Variants in CSMD1 observed in about 807,000 individuals in gnomAD.
CSMD1 encodes CUB and Sushi multiple domains 1, also known as CUB and sushi domain-containing protein 1.
Under a neutral mutation model 417.5 loss-of-function variants are expected in CSMD1, and 213 were observed. The ratio of observed to expected loss-of-function variants is 0.51; its 90% confidence interval spans 0.46 to 0.57. The LOEUF (loss-of-function observed/expected upper bound fraction) is 0.57. Among genes scored for constraint, CSMD1 ranks in the 20% least tolerant of loss-of-function variants. The probability of loss-of-function intolerance (pLI) is 0.00; values close to 1 mark genes in which losing one functional copy is unlikely to be tolerated. For synonymous variants in CSMD1, 2,862 were observed against 1,736.8 expected, an observed-to-expected ratio of 1.65 and a Z score of -16.11; for missense variants, 6,923 against 4,529.7, an observed-to-expected ratio of 1.53 and a Z score of -15.17.
chr8:4,161,006 T>C (rs77018513), intron 3 of CSMD1, among the ~76,000 whole-genome samples: 2,042 of 152,284 alleles, frequency 0.013, 41 homozygotes, highest in African/African-American at 0.047. Context: ...ACTTTGTCCT[T>C]CTTCTTCTGG....
chr8:3,180,932 C>G (rs1024420157), intron 37 of CSMD1, among the ~76,000 whole-genome samples, 178 bp downstream of exon 37: 5 of 152,192 alleles, frequency 3.3e-5, no homozygotes, highest in Admixed American at 6.5e-5. Context: ...GCATGAGTCA[C>G]CGCAACTGGC....
intron 3 of CSMD1, among the ~76,000 whole-genome samples, chr8:4,060,552 G>C (rs959950904): frequency 6.6e-6 from 1 of 152,150 alleles, no homozygotes; most frequent in Non-Finnish European, 1.5e-5. Context: ...CTCTGCAATG[G>C]TTAACAGTGC....
chr8:3,399,525 T>C lies in CSMD1; in HGVS notation c.2271A>G (p.Pro757=). ...WSSTVPRCEA[P]CGGHLTASSG... is the part of the protein sequence containing the mutation. ...TGGACGCTGTCAGATGTCCACCACATGGAGCTAAAACAAGACGTAGAATAT... is the reference window on the plus strand; with the variant it reads ...TGGACGCTGTCAGATGTCCACCACACGGAGCTAAAACAAGACGTAGAATAT... Residue 757 remains proline (P), a synonymous_variant, in exon 16 of 70, where the codon CCA becomes CCG. Coordinates refer to ENST00000635120, the MANE Select transcript of CSMD1 (RefSeq NM_033225.6). The C allele has an allele frequency of 1.3e-6, 2 of 1,592,512 alleles. No homozygotes were observed. The highest frequency in any genetic ancestry group is 1.2e-5 in the South Asian group (1 of 85,660).
chr8:3,304,678 G>T (rs13277028), intron 25 of CSMD1, among the ~76,000 whole-genome samples: 2,927 of 151,916 alleles, frequency 0.019, 33 homozygotes, highest in Middle Eastern at 0.048. Flanking sequence ...TTCAAGGTCA[G>T]TTCATGCAAT....
intron 54 of CSMD1, among the ~76,000 whole-genome samples, chr8:2,990,155 G>C (rs1036832430): frequency 1.3e-5 from 2 of 152,352 alleles, no homozygotes; most frequent in East Asian, 1.9e-4. Context: ...ACACAAGGAA[G>C]AGAAAAGAGT....
intron 3 of CSMD1, among the ~76,000 whole-genome samples, chr8:4,166,233 C>G (rs558016198): frequency 6.6e-6 from 1 of 152,168 alleles, no homozygotes; most frequent in African/African-American, 2.4e-5. Flanking sequence ...CCCAATATAT[C>G]CAGATTATCA....
intron 10 of CSMD1, among the ~76,000 whole-genome samples, chr8:3,514,895 A>G (rs1313491126): frequency 1.3e-5 from 2 of 152,166 alleles, no homozygotes; most frequent in Non-Finnish European, 2.9e-5. Flanking sequence ...AAATTTTATT[A>G]TTGTTTATAT....
intron 8 of CSMD1, chr8:3,613,264 G>C: frequency 2.4e-6 from 1 of 419,826 alleles, no homozygotes. Flanking sequence ...AATTCAATCC[G>C]TAATTAAAAA....
chr8:3,141,787 C>T (rs1337427970), intron 41 of CSMD1, among the ~76,000 whole-genome samples: 1 of 134,264 alleles, frequency 7.4e-6, no homozygotes, highest in Non-Finnish European at 1.6e-5. Context: ...CAAGCCCCTG[C>T]CCGCCAAATT....
intron 1 of CSMD1, among the ~76,000 whole-genome samples, chr8:4,820,208 G>T (rs1051407852): frequency 6.6e-6 from 1 of 152,130 alleles, no homozygotes; most frequent in Non-Finnish European, 1.5e-5. Context: ...GGCCTGGACA[G>T]AGAATGATAT....
At chr8:3,514,826 A>G (rs1193238533) in intron 10 of CSMD1, among the ~76,000 whole-genome samples, 1 of 152,184 alleles carries the variant, frequency 6.6e-6, no homozygotes, top group Non-Finnish European at 1.5e-5. Context: ...TATTATTAAC[A>G]CAAACAACAT....
At chr8:4,005,255 A>T (rs1816019020) in intron 4 of CSMD1, among the ~76,000 whole-genome samples, 2 of 152,132 alleles carry the variant, frequency 1.3e-5, no homozygotes, top group South Asian at 4.1e-4. Context: ...TATGTAACCA[A>T]ACACCATCTA....
chr8:3,389,631 T>C (rs1372103843), intron 17 of CSMD1, among the ~76,000 whole-genome samples: 1 of 43,638 alleles, frequency 2.3e-5, no homozygotes, highest in East Asian at 3.6e-4. Context: ...GAGGATTATA[T>C]ATTAATGGTT....
At chr8:3,300,637 T>G (rs1358173173) in intron 25 of CSMD1, among the ~76,000 whole-genome samples, 1 of 152,050 alleles carries the variant, frequency 6.6e-6, no homozygotes. Context: ...ACAAGACTAC[T>G]TGTCACATCA....
chr8:3,665,801 C>T (rs973370561), intron 7 of CSMD1, among the ~76,000 whole-genome samples: 1 of 152,030 alleles, frequency 6.6e-6, no homozygotes, highest in African/African-American at 2.4e-5. Context: ...CTTAGAGCAC[C>T]CCTAGGAATC....
chr8:3,114,624 G>A (rs1003022293), intron 42 of CSMD1, among the ~76,000 whole-genome samples: 4 of 151,916 alleles, frequency 2.6e-5, no homozygotes, highest in Non-Finnish European at 5.9e-5. Flanking sequence ...ACTCTGTCTT[G>A]GAAATTGCCG....
chr8:3,219,093 T>C (rs1410067941), intron 29 of CSMD1, among the ~76,000 whole-genome samples, 162 bp downstream of exon 29: 1 of 152,122 alleles, frequency 6.6e-6, no homozygotes, highest in African/African-American at 2.4e-5. Flanking sequence ...CTCAGGAATA[T>C]CTTCACTGGA....
intron 10 of CSMD1, among the ~76,000 whole-genome samples, chr8:3,573,940 C>T (rs1489875149): frequency 2.6e-5 from 4 of 151,854 alleles, no homozygotes; most frequent in Non-Finnish European, 4.4e-5. Flanking sequence ...TTCCTACTGG[C>T]AAGCATCTAT....
rs539541703 is a variant in CSMD1 at position 2,941,757 on chromosome 8, A to T, written c.10535+715T>A. 2.5e-4 allele frequency among the ~76,000 whole-genome samples: 38 copies of T among 152,322 alleles called. 1 individual carries two copies. The South Asian group carries it at 7.9e-3, about 32-fold the overall frequency. Reference sequence around the variant, plus strand: ...TTGCTTACTACATATAAAGAGCTAAATTTGTATTTGTTGAAGAAAGAAATC... The same window carrying T: ...TTGCTTACTACATATAAAGAGCTAATTTTGTATTTGTTGAAGAAAGAAATC... On this transcript the variant is annotated intron_variant, in intron 69 of 69. Coordinates refer to ENST00000635120, the MANE Select transcript of CSMD1 (RefSeq NM_033225.6).
Sources: gnomAD v4.1 joint callset for allele counts (sites outside exome capture counted in the v4.1 genomes callset) on GRCh38, gnomAD v4.1.1 for gene constraint, MANE v1.5 for transcripts, NCBI Gene and HGNC (gene_info 2026-07-23, HGNC 2026-07-21) for gene names.